Variants in COA6 observed in about 807,000 individuals in gnomAD.
COA6 encodes the protein cytochrome c oxidase assembly factor 6.
Under a neutral mutation model 17.1 loss-of-function variants are expected in COA6, and 12 were observed. The observed-to-expected ratio is 0.70, with a 90% CI of 0.45 to 1.14. The LOEUF (loss-of-function observed/expected upper bound fraction) is 1.14. COA6 is among the 50% of genes most tolerant of loss of function. The probability of loss-of-function intolerance (pLI) is 0.00; values close to 1 mark genes in which losing one functional copy is unlikely to be tolerated. For missense variants in COA6, 246 were observed against 196.5 expected, an observed-to-expected ratio of 1.25 and a Z score of -1.51; for synonymous variants, 90 against 73.4, an observed-to-expected ratio of 1.23 and a Z score of -1.16.
At chr1:234,377,585 GGA>G (rs1486071980) in intron 2 of COA6, among the ~76,000 whole-genome samples, 12 of 152,158 alleles carry the variant, frequency 7.9e-5, no homozygotes, top group Admixed American at 7.2e-4. Flanking sequence ...CTGAATTATT[GGA>G]GTGTTCTCAG....
intron 2 of COA6, among the ~76,000 whole-genome samples, chr1:234,378,867 G>T (rs10797537): frequency 0.45 from 67,487 of 150,748 alleles, 16,257 homozygotes; most frequent in African/African-American, 0.63. Context: ...CAAGACTCTG[G>T]TTTTTTTTTC....
chr1:234,380,950 A>G (rs980011346), intron 2 of COA6, among the ~76,000 whole-genome samples: 3 of 152,228 alleles, frequency 2.0e-5, no homozygotes, highest in African/African-American at 4.8e-5. Context: ...CAGTGAGCCA[A>G]GATCACGCCA....
rs377669777 is a variant in COA6, at chr1:234,379,004, A to AT, written c.372+4636dup. On this transcript the variant is annotated intron_variant, in intron 2 of 2. Coordinates refer to ENST00000366615, the MANE Select transcript of COA6 (RefSeq NM_001206641.3). ...GGGAGGCCAGGGAGGTACTTTTTTA[A>AT]TTTTTTTTTTTTTTTTTTTTTCCAG... Among the ~76,000 whole-genome samples the AT allele has an allele frequency of 8.8e-3, 1,200 of 136,428 alleles. 14 individuals are homozygous for AT. Among genetic ancestry groups the AT allele is most frequent in the Middle Eastern group, 0.026 (7 of 268 alleles). 89.5% of individuals were successfully genotyped at this position (136,428 alleles called of 152,430 possible). A position where few individuals can be genotyped will look rare whatever the true frequency, so the allele number is the denominator to read the frequency against.
Position 234,383,573 on chromosome 1 carries a change from G to GACACACACAC in COA6, c.373-134_373-125dup, listed in dbSNP as rs60042887. On this transcript the variant is annotated intron_variant, in intron 2 of 2. Transcript: ENST00000366615. ...AAAAACATCATTCATAGTTACAGCTGACACACACACACACACACACACACA... is the reference window on the plus strand; with the variant it reads ...AAAAACATCATTCATAGTTACAGCTGACACACACACACACACACACACACACACACACACA... 0.013 allele frequency: 6,066 copies of GACACACACAC among 472,560 alleles called. 131 individuals carry two copies. The highest frequency in any genetic ancestry group is 0.079 in the African/African-American group (3,763 of 47,750). The allele number at this position is 472,560 out of a possible 1,614,324, so 29.3% of individuals were successfully genotyped here.
intron 2 of COA6, among the ~76,000 whole-genome samples, chr1:234,377,061 A>ACCC (rs1416164333): frequency 0.24 from 5,804 of 24,404 alleles, 1,172 homozygotes; most frequent in East Asian, 0.53. Flanking sequence ...TGTGTTGCCG[A>ACCC]GAGAGAGAGA....
chr1:234,376,286 G>A (rs1460555767), intron 2 of COA6, among the ~76,000 whole-genome samples: 2 of 152,046 alleles, frequency 1.3e-5, no homozygotes, highest in Non-Finnish European at 2.9e-5. Flanking sequence ...TCCAGTCTGT[G>A]TGCCAGAAAG....
rs1558123771 is a variant in COA6 at position 234,374,273 on chromosome 1, C to A, written c.256C>A (p.Gln86Lys). 1 of 1,613,744 alleles carries A rather than the reference C, an allele frequency of 6.2e-7. No homozygotes were observed. The highest frequency in any genetic ancestry group is 8.5e-7 in the Non-Finnish European group (1 of 1,179,918). Reference sequence around the variant, plus strand: ...GGCAGCCCCATCTATGAAGGAAAGACAGGTCTGCTGGGGGGCCCGGGATGA... The same window carrying A: ...GGCAGCCCCATCTATGAAGGAAAGAAAGGTCTGCTGGGGGGCCCGGGATGA... ...GMAAPSMKER[Q>K]VCWGARDEYW... Residue 86 changes from glutamine (Q) to lysine (K), a missense_variant, in exon 2 of 3, where the codon CAG becomes AAG. Coordinates refer to ENST00000366615, the MANE Select transcript of COA6 (RefSeq NM_001206641.3).
At chr1:234,381,976 C>A (rs1658985430) in intron 2 of COA6, among the ~76,000 whole-genome samples, 1 of 152,188 alleles carries the variant, frequency 6.6e-6, no homozygotes, top group Non-Finnish European at 1.5e-5. Flanking sequence ...CCTTATATAA[C>A]ATCCATCCTA....
At chr1:234,376,504 T>C (rs1198847847) in intron 2 of COA6, among the ~76,000 whole-genome samples, 1 of 152,304 alleles carries the variant, frequency 6.6e-6, no homozygotes, top group African/African-American at 2.4e-5. Context: ...GGAACTCTCT[T>C]AGCGGTTTTA....
chr1:234,373,503 C>G lies in COA6; in HGVS notation c.37C>G (p.Arg13Gly), dbSNP rs776481481. ...GAAGGGTCAAAAGAGTCCGCGGTTT[C>G]GCCGCGTGAGTTGCTTTTTGCGGCT... ...ARKGQKSPRFRRVSCFLRLGR... is the reference protein window; with the variant it reads ...ARKGQKSPRFGRVSCFLRLGR... Residue 13 changes from arginine to glycine, a missense_variant, in exon 1 of 3, where the codon CGC (arginine) becomes GGC (glycine). Coordinates refer to ENST00000366615, the MANE Select transcript of COA6 (RefSeq NM_001206641.3). The G allele has an allele frequency of 1.3e-6, 2 of 1,599,946 alleles. No homozygotes were observed. Among genetic ancestry groups the G allele is most frequent in the South Asian group, 1.1e-5 (1 of 89,902 alleles).
intron 2 of COA6, among the ~76,000 whole-genome samples, chr1:234,375,183 C>T (rs2103015836): frequency 6.6e-6 from 1 of 151,786 alleles, no homozygotes; most frequent in African/African-American, 2.4e-5. Flanking sequence ...TGCCTCTAAT[C>T]CCAGCTACTC....
At chr1:234,377,122 T>TC (rs1658828145) in intron 2 of COA6, among the ~76,000 whole-genome samples, 1 of 97,190 alleles carries the variant, frequency 1.0e-5, no homozygotes, top group African/African-American at 4.6e-5. Flanking sequence ...GTCTCCTCTT[T>TC]TTTTGTTTTT....
At position 234,384,975 on chromosome 1, in the gene COA6, T is replaced by A. The variant is rs765120271; in HGVS notation, c.*1157T>A. On this transcript the variant is annotated 3_prime_UTR_variant, in exon 3 of 3. Transcript: ENST00000366615. The stretch of plus-strand genomic sequence containing the variant: ...GTACACATAGAAGTTATGTTTATAC[T>A]GTTGTCTAGTAAGTGTGCAATAGCA... Among the ~76,000 whole-genome samples, 1 of 152,246 alleles carries A rather than the reference T, an allele frequency of 6.6e-6. No homozygotes were observed. Among genetic ancestry groups the A allele is most frequent in the Non-Finnish European group, 1.5e-5 (1 of 68,038 alleles).
chr1:234,383,064 G>GAGGGAGGGAGGGAAGGGAGGGA, intron 2 of COA6, among the ~76,000 whole-genome samples: 1 of 112,426 alleles, frequency 8.9e-6, no homozygotes, highest in Non-Finnish European at 1.9e-5. Context: ...GGGAGGGAGG[G>GAGGGAGGGAGGGAAGGGAGGGA]AGGGAAGGGA....
chr1:234,382,311 G>C (rs1472316611), intron 2 of COA6, among the ~76,000 whole-genome samples: 1 of 152,192 alleles, frequency 6.6e-6, no homozygotes, highest in East Asian at 1.9e-4. Flanking sequence ...GGAGATCAAG[G>C]CTGCTTCTGT....
rs948390456 is a variant in COA6, at chr1:234,373,604, C to T, written c.138C>T (p.His46=). The T allele has an allele frequency of 6.2e-7, 1 of 1,612,804 alleles. No individual in the cohort carries two copies. The highest frequency in any genetic ancestry group is 8.5e-7 in the Non-Finnish European group (1 of 1,179,644). Residue 46 remains histidine (H), a synonymous_variant, in exon 1 of 3, where the codon CAC becomes CAT. Transcript: ENST00000366615. Reference sequence around the variant, plus strand: ...GCAGGACTCGGCACCGCGCCCTCCACCGCCGGTTGGTGGCCTGCGTGACAG... The same window carrying T: ...GCAGGACTCGGCACCGCGCCCTCCATCGCCGGTTGGTGGCCTGCGTGACAG... ...CSGRTRHRAL[H]RRLVACVTVS...
At chr1:234,382,992 G>T (rs1296573274) in intron 2 of COA6, among the ~76,000 whole-genome samples, 1 of 128,192 alleles carries the variant, frequency 7.8e-6, no homozygotes, top group Non-Finnish European at 1.6e-5. Flanking sequence ...GGGTGACAGA[G>T]CGAGACTCTC....
chr1:234,380,941 A>G (rs895787595), intron 2 of COA6, among the ~76,000 whole-genome samples: 2 of 152,236 alleles, frequency 1.3e-5, no homozygotes, highest in African/African-American at 4.8e-5. Flanking sequence ...CAGAGGTTGC[A>G]GTGAGCCAAG....
Position 234,373,559 on chromosome 1 carries a change from A to G in COA6, c.93A>G (p.Pro31=). ...GGTCTACGCTTCTAGAGCTTGAGCC[A>G]GCGGGGCGACCCTGCAGTGGCAGGA... ...LGRSTLLELE[P]AGRPCSGRTR... Residue 31 remains proline (P), a synonymous_variant, in exon 1 of 3, where the codon CCA becomes CCG. Coordinates refer to ENST00000366615, the MANE Select transcript of COA6 (RefSeq NM_001206641.3). The G allele has an allele frequency of 6.2e-7, 1 of 1,612,048 alleles. No homozygotes were observed.
Sources: allele counts gnomAD v4.1 joint callset (sites outside exome capture counted in the v4.1 genomes callset), GRCh38; gene constraint gnomAD v4.1.1; transcripts MANE v1.5; gene names NCBI Gene and HGNC (gene_info 2026-07-23, HGNC 2026-07-21).